NEDD1: variants seen among roughly 807,000 people sequenced by gnomAD.
The protein encoded by NEDD1 is protein NEDD1.
In NEDD1, 33 loss-of-function variants were observed where a neutral mutation model predicts 74.0. The ratio of observed to expected loss-of-function variants is 0.45; its 90% CI spans 0.34 to 0.60. NEDD1 has a LOEUF of 0.60. Ranked by LOEUF, NEDD1 falls within the 20% of genes least tolerant of loss-of-function variation. The probability of loss-of-function intolerance (pLI) is 0.01; values close to 1 mark genes in which losing one functional copy is unlikely to be tolerated. For missense variants in NEDD1, 746 were observed against 776.5 expected (o/e 0.96, Z 0.47); for synonymous variants, 250 against 264.4 (o/e 0.95, Z 0.53).
chr12:96,917,838 A>G, intron 5 of NEDD1, 101 bp downstream of exon 5: 1 of 1,323,676 alleles, frequency 7.6e-7, no homozygotes. Context: ...TAAAAATAAG[A>G]GGCTTCAGAA....
chr12:96,913,027 A>G (rs866107342), intron 4 of NEDD1, among the ~76,000 whole-genome samples: 1 of 152,208 alleles, frequency 6.6e-6, no homozygotes, highest in Non-Finnish European at 1.5e-5. Flanking sequence ...TAGGGGAACA[A>G]TTGAAGACTT....
At position 96,935,176 on chromosome 12, in the gene NEDD1, A is replaced by G. The variant is rs1876964986; in HGVS notation, c.690A>G (p.Arg230=). Reference sequence around the variant, plus strand: ...TTGTAACCATAGGCTTGGATAAAAGAATCATCCTCTATGACACTTCAAGTA... The same window carrying G: ...TTGTAACCATAGGCTTGGATAAAAGGATCATCCTCTATGACACTTCAAGTA... ...LLFVTIGLDK[R]IILYDTSSKK... is the part of the protein sequence containing the mutation. Residue 230 remains arginine, a synonymous_variant, in exon 7 of 16, where the codon AGA becomes AGG. Transcript: ENST00000266742. The G allele has an allele frequency of 6.2e-7, 1 of 1,604,310 alleles. No individual in the cohort carries two copies. The highest frequency in any genetic ancestry group is 1.3e-5 in the African/African-American group (1 of 74,866).
intron 4 of NEDD1, among the ~76,000 whole-genome samples, chr12:96,913,493 C>G (rs1028118072): frequency 1.5e-4 from 23 of 152,122 alleles, no homozygotes; most frequent in African/African-American, 5.6e-4. Flanking sequence ...CCTGCCTCAG[C>G]CTCTCAAGTG....
intron 7 of NEDD1, 80 bp downstream of exon 7, chr12:96,935,285 G>A: frequency 1.2e-6 from 1 of 845,666 alleles, no homozygotes; most frequent in Non-Finnish European, 2.0e-6. Context: ...GATTTATATA[G>A]ACCTCTGATT....
At chr12:96,949,067 C>G (rs1326740921) in intron 14 of NEDD1, among the ~76,000 whole-genome samples, 2 of 152,174 alleles carry the variant, frequency 1.3e-5, no homozygotes, top group African/African-American at 2.4e-5. Flanking sequence ...GGCCCAAACT[C>G]TTAATACTCC....
At chr12:96,932,146 A>G (rs1283601504) in intron 6 of NEDD1, among the ~76,000 whole-genome samples, 1 of 151,820 alleles carries the variant, frequency 6.6e-6, no homozygotes, top group Admixed American at 6.6e-5. Flanking sequence ...TTACACAATA[A>G]TGTGGTATAA....
intron 6 of NEDD1, among the ~76,000 whole-genome samples, chr12:96,930,653 A>G (rs1383198738): frequency 6.6e-6 from 1 of 152,154 alleles, no homozygotes; most frequent in Admixed American, 6.5e-5. Context: ...GCCTTAAACC[A>G]TATCTATCAC....
At chr12:96,919,883 A>G (rs771303053) in intron 5 of NEDD1, 102 bp from the exon 6 acceptor site, 13 of 707,890 alleles carry the variant, frequency 1.8e-5, no homozygotes, top group Non-Finnish European at 3.0e-5. Context: ...TAAAGCAAAT[A>G]TTAGATTGAT....
chr12:96,944,613 A>C (rs752017286), intron 12 of NEDD1, 26 bp from the exon 13 acceptor site: 1 of 1,449,186 alleles, frequency 6.9e-7, no homozygotes, highest in East Asian at 2.5e-5. Flanking sequence ...TGTATATTAA[A>C]GTCATTATTT....
intron 4 of NEDD1, among the ~76,000 whole-genome samples, chr12:96,914,991 A>G (rs764591970): frequency 1.4e-4 from 21 of 152,220 alleles, no homozygotes; most frequent in South Asian, 6.2e-4. Flanking sequence ...ATCTTTTTCT[A>G]TTTTATTTAA....
chr12:96,916,402 C>G, intron 4 of NEDD1, among the ~76,000 whole-genome samples: 1 of 94,200 alleles, frequency 1.1e-5, no homozygotes, highest in Admixed American at 1.2e-4. Flanking sequence ...CTATCCCTCC[C>G]CCCTCCCCCC....
intron 4 of NEDD1, among the ~76,000 whole-genome samples, chr12:96,913,574 A>G (rs550421108): frequency 8.9e-4 from 136 of 152,022 alleles, no homozygotes; most frequent in East Asian, 7.2e-3. Flanking sequence ...GGGTTTCACC[A>G]TGTTGGCCAG....
chr12:96,944,854 A>G (rs1878041910), intron 13 of NEDD1, 59 bp downstream of exon 13: 2 of 1,262,378 alleles, frequency 1.6e-6, no homozygotes, highest in African/African-American at 3.1e-5. Flanking sequence ...CATCCCCATT[A>G]TTTAACTTGT....
intron 6 of NEDD1, among the ~76,000 whole-genome samples, chr12:96,932,963 G>T (rs976939338): frequency 3.3e-5 from 5 of 149,958 alleles, no homozygotes; most frequent in South Asian, 2.1e-4. Context: ...CTGAACTTAG[G>T]TTTATCTGAA....
intron 12 of NEDD1, 123 bp downstream of exon 12, chr12:96,943,885 A>C: frequency 3.3e-6 from 2 of 614,006 alleles, no homozygotes. Context: ...TCTTGATGTC[A>C]GATTTTAATA....
intron 6 of NEDD1, among the ~76,000 whole-genome samples, chr12:96,925,565 AG>A (rs1307287366): frequency 6.6e-6 from 1 of 152,166 alleles, no homozygotes; most frequent in African/African-American, 2.4e-5. Context: ...TGAATATATA[AG>A]GGTTTGAGGG....
Position 96,914,761 on chromosome 12 carries a change from C to T in NEDD1, c.231+1944C>T, listed in dbSNP as rs531210348. The stretch of plus-strand genomic sequence containing the variant: ...TTTCACCTCTTTAAAGTAGAATGTA[C>T]CTTTGCCTTGCACCTTGAGCAGTTC... On this transcript the variant is annotated intron_variant, in intron 4 of 15. Transcript: ENST00000266742. Among the ~76,000 whole-genome samples, 18 of 152,184 alleles carry T rather than the reference C, an allele frequency of 1.2e-4. 1 individual carries two copies. The South Asian group carries it at 3.7e-3, about 32-fold the overall frequency.
chr12:96,945,954 C>T, intron 14 of NEDD1, 105 bp downstream of exon 14: 1 of 673,884 alleles, frequency 1.5e-6, no homozygotes, highest in Non-Finnish European at 2.5e-6. Flanking sequence ...TGTCTAGGTT[C>T]TGGTAATCCT....
Position 96,907,726 on chromosome 12 carries a change from C to G in NEDD1, c.-139C>G, listed in dbSNP as rs1411095413. On this transcript the variant is annotated 5_prime_UTR_variant, in exon 2 of 16. Transcript: ENST00000266742. ...GCTGAGTGGTGTAGTTGAATTGGTT[C>G]CTGTAGCCGCTGTCCCTAAACCCAG... The G allele has an allele frequency of 3.2e-6, 5 of 1,548,932 alleles. No individual in the cohort carries two copies. The East Asian group carries it at 1.2e-4, about 38-fold the overall frequency.
Sources: allele counts gnomAD v4.1 joint callset (sites outside exome capture counted in the v4.1 genomes callset), GRCh38; gene constraint gnomAD v4.1.1; transcripts MANE v1.5; gene names NCBI Gene and HGNC (gene_info 2026-07-23, HGNC 2026-07-21).